KIF4A: variants seen among roughly 807,000 people sequenced by gnomAD.
The protein encoded by KIF4A is kinesin family member 4A.
In KIF4A, 7 loss-of-function variants were observed where a neutral mutation model predicts 105.9. The observed-to-expected ratio is 0.07, with a 90% CI of 0.04 to 0.12. KIF4A has a LOEUF of 0.12. KIF4A is among the 10% of genes least tolerant of loss of function. The pLI is 1.00. For missense variants in KIF4A, 558 were observed against 929.2 expected (o/e 0.60, Z 5.19); for synonymous variants, 281 against 331.3 (o/e 0.85, Z 1.65).
chrX:70,372,454 A>C (rs1391301505), intron 15 of KIF4A, among the ~76,000 whole-genome samples: 4 of 113,451 alleles, frequency 3.5e-5, no homozygotes, highest in Non-Finnish European at 7.5e-5. Context: ...CAGCCCAGCC[A>C]ACACAGCGAA....
intron 13 of KIF4A, among the ~76,000 whole-genome samples, chrX:70,348,563 G>A (rs750637714): frequency 1.8e-5 from 2 of 110,876 alleles, no homozygotes; most frequent in East Asian, 5.7e-4. Context: ...CTCTTAACGA[G>A]CATGCTGCCT....
intron 7 of KIF4A, among the ~76,000 whole-genome samples, chrX:70,319,300 C>G (rs1021532282): frequency 9.0e-6 from 1 of 111,667 alleles, no homozygotes; most frequent in Non-Finnish European, 1.9e-5. Context: ...TTTAGTACCT[C>G]AAGATCTTAA....
intron 20 of KIF4A, among the ~76,000 whole-genome samples, chrX:70,394,833 G>A (rs182302412): frequency 1.4e-4 from 16 of 111,282 alleles, no homozygotes; most frequent in African/African-American, 4.9e-4. Context: ...TTTATTTTTT[G>A]ATAGGAATTC....
chrX:70,354,346 T>A lies in KIF4A; in HGVS notation c.1674+539T>A, dbSNP rs185766330. On this transcript the variant is annotated intron_variant, in intron 15 of 30. Coordinates refer to ENST00000374403, the MANE Select transcript of KIF4A (RefSeq NM_012310.5). ...TCCCTTGCAGACCAGTGTTTCTCACTGTTTGTAATTACAGACAAAGGGATA... is the reference window on the plus strand; with the variant it reads ...TCCCTTGCAGACCAGTGTTTCTCACAGTTTGTAATTACAGACAAAGGGATA... 4.4e-5 allele frequency among the ~76,000 whole-genome samples: 5 copies of A among 112,438 alleles called. No individual in the cohort carries two copies. In the East Asian group the frequency reaches 1.4e-3, roughly 32 times the overall value.
At chrX:70,351,716 A>C (rs181560585) in intron 13 of KIF4A, among the ~76,000 whole-genome samples, 1 of 111,384 alleles carries the variant, frequency 9.0e-6, no homozygotes, top group Admixed American at 9.5e-5. Flanking sequence ...TAAGGCATTT[A>C]TTTCTTTCTG....
chrX:70,356,922 T>C (rs775333930), intron 15 of KIF4A, among the ~76,000 whole-genome samples: 99 of 112,401 alleles, frequency 8.8e-4, no homozygotes, highest in Middle Eastern at 4.6e-3. Flanking sequence ...TTGAGCCATA[T>C]AGTATGATTG....
intron 25 of KIF4A, among the ~76,000 whole-genome samples, 194 bp downstream of exon 25, chrX:70,405,016 C>A (rs1193594260): frequency 9.0e-6 from 1 of 111,420 alleles, no homozygotes; most frequent in Non-Finnish European, 1.9e-5. Flanking sequence ...ATAGGAATAA[C>A]CTCATTTTGG....
chrX:70,360,931 C>T (rs1602772608), intron 15 of KIF4A, among the ~76,000 whole-genome samples: 2 of 112,997 alleles, frequency 1.8e-5, no homozygotes, highest in South Asian at 3.6e-4. Flanking sequence ...GGAGGGCCCT[C>T]CCCCATGGGA....
At chrX:70,311,417 G>A (rs1367106953) in intron 7 of KIF4A, among the ~76,000 whole-genome samples, 1 of 110,773 alleles carries the variant, frequency 9.0e-6, no homozygotes, top group African/African-American at 3.3e-5. Context: ...TGAGTTGAAA[G>A]CTGAGTTTAC....
chrX:70,335,156 G>A (rs764809423), intron 10 of KIF4A, among the ~76,000 whole-genome samples: 11 of 112,313 alleles, frequency 9.8e-5, no homozygotes, highest in African/African-American at 3.5e-4. Flanking sequence ...GTCTATCAAC[G>A]TATGACCTGA....
At chrX:70,339,084 C>CAAA (rs906085372) in intron 10 of KIF4A, among the ~76,000 whole-genome samples, 2 of 47,307 alleles carry the variant, frequency 4.2e-5, no homozygotes, top group African/African-American at 1.6e-4. Context: ...GACTCCATCT[C>CAAA]AAAAAAAAAA....
intron 7 of KIF4A, among the ~76,000 whole-genome samples, chrX:70,328,162 T>G (rs998406628): frequency 1.8e-5 from 2 of 112,045 alleles, no homozygotes; most frequent in African/African-American, 6.5e-5. Context: ...CCATTTGTGC[T>G]GCTATAACAA....
At chrX:70,419,010 G>A (rs770130211) in intron 29 of KIF4A, among the ~76,000 whole-genome samples, 11 of 109,821 alleles carry the variant, frequency 1.0e-4, no homozygotes, top group East Asian at 2.9e-4. Flanking sequence ...GCGTGAACCC[G>A]GGAGGCGGAG....
intron 22 of KIF4A, among the ~76,000 whole-genome samples, chrX:70,397,191 A>G (rs144698520): frequency 0.061 from 6,732 of 110,713 alleles, 191 homozygotes; most frequent in Middle Eastern, 0.088. Flanking sequence ...TAACACAGTG[A>G]AACCCCATCT....
chrX:70,381,572 A>G (rs1161563459), intron 18 of KIF4A, among the ~76,000 whole-genome samples: 2 of 112,323 alleles, frequency 1.8e-5, no homozygotes, highest in Non-Finnish European at 3.7e-5. Context: ...AATTCCATTA[A>G]TAATAGGATC....
chrX:70,290,634 G>A, intron 2 of KIF4A, 56 bp downstream of exon 2: 1 of 1,207,103 alleles, frequency 8.3e-7, no homozygotes. Flanking sequence ...ATGGTAACGA[G>A]GGGTGTGGTC....
chrX:70,307,671 A>T (rs2085832728), intron 7 of KIF4A, among the ~76,000 whole-genome samples: 1 of 111,877 alleles, frequency 8.9e-6, no homozygotes, highest in African/African-American at 3.2e-5. Flanking sequence ...TCATCTATTG[A>T]TGTGATCACA....
intron 15 of KIF4A, among the ~76,000 whole-genome samples, chrX:70,368,765 C>T (rs1180989167): frequency 8.9e-6 from 1 of 112,152 alleles, no homozygotes; most frequent in Non-Finnish European, 1.9e-5. Flanking sequence ...AACCACTAGT[C>T]TCTTCAAAGT....
chrX:70,411,955 G>A (rs2086323916), intron 28 of KIF4A, among the ~76,000 whole-genome samples: 2 of 109,970 alleles, frequency 1.8e-5, no homozygotes, highest in African/African-American at 3.3e-5. Context: ...GGGACATGCT[G>A]GTGGGTTGCC....
Sources: allele counts gnomAD v4.1 joint callset (sites outside exome capture counted in the v4.1 genomes callset), GRCh38; gene constraint gnomAD v4.1.1; transcripts MANE v1.5; gene names NCBI Gene and HGNC (gene_info 2026-07-23, HGNC 2026-07-21).